PCNX2: variants seen among roughly 807,000 people sequenced by gnomAD.
PCNX2 encodes pecanex 2.
PCNX2 carries 168 observed loss-of-function variants against 223.8 expected under a neutral mutation model. The ratio of observed to expected loss-of-function variants is 0.75; its 90% CI spans 0.66 to 0.85. PCNX2 has a LOEUF of 0.85. Among genes scored for constraint, PCNX2 ranks in the 40% least tolerant of loss-of-function variants. The pLI is 0.00. For missense variants in PCNX2, 2,507 were observed against 2,675.5 expected (o/e 0.94, Z 1.39); for synonymous variants, 1,006 against 1,052.6 (o/e 0.96, Z 0.86).
intron 15 of PCNX2, among the ~76,000 whole-genome samples, chr1:233,194,221 T>C (rs1360106057): frequency 6.6e-6 from 1 of 152,080 alleles, no homozygotes; most frequent in Non-Finnish European, 1.5e-5. Flanking sequence ...TCAGAAATTA[T>C]ACAAGACAAA....
At chr1:233,308,190 C>T in the PCNX2 span, among the ~76,000 whole-genome samples, 2 of 152,230 alleles carry the variant, frequency 1.3e-5, no homozygotes, top group Non-Finnish European at 2.9e-5. Context: ...GGCGTAGTGG[C>T]TCACGCCTGT....
intron 10 of PCNX2, among the ~76,000 whole-genome samples, chr1:233,223,169 G>A (rs957447079): frequency 6.6e-4 from 101 of 152,224 alleles, no homozygotes; most frequent in African/African-American, 2.4e-3. Context: ...GCTGAGTCCT[G>A]GAAACCAAGA....
intron 17 of PCNX2, among the ~76,000 whole-genome samples, chr1:233,175,083 G>A (rs12032661): frequency 0.078 from 11,891 of 152,010 alleles, 673 homozygotes; most frequent in East Asian, 0.31. Context: ...TTCTCATACA[G>A]ACTAAAACTC....
chr1:233,245,246 A>G (rs1659038020), intron 8 of PCNX2, among the ~76,000 whole-genome samples: 1 of 152,286 alleles, frequency 6.6e-6, no homozygotes, highest in Non-Finnish European at 1.5e-5. Context: ...CTAGAAAAAG[A>G]GATGAGAACC....
At chr1:233,120,180 A>G (rs999241127) in intron 21 of PCNX2, among the ~76,000 whole-genome samples, 7 of 144,464 alleles carry the variant, frequency 4.8e-5, no homozygotes, top group African/African-American at 1.0e-4. Context: ...AAAAAAAAAA[A>G]AAAAGAAATA....
intron 10 of PCNX2, among the ~76,000 whole-genome samples, chr1:233,226,980 CTTA>C (rs574527804): frequency 2.3e-4 from 35 of 152,250 alleles, no homozygotes; most frequent in African/African-American, 6.7e-4. Flanking sequence ...CTCATTATCT[CTTA>C]TTATTAATAT....
Position 233,057,363 on chromosome 1 carries a change from A to G in PCNX2, c.4077-73T>C, listed in dbSNP as rs766409568. 4.2e-6 allele frequency: 5 copies of G among 1,189,938 alleles called. No individual in the cohort carries two copies. In the East Asian group the frequency reaches 9.8e-5, roughly 23 times the overall value. 73.7% of individuals were successfully genotyped at this position (1,189,938 alleles called of 1,614,324 possible). ...AGCAGAAGAGTTGGTTTATAGAACC[A>G]GCTGCATGAGTGGAAAATGCAAAGG... On this transcript the variant is annotated intron_variant, in intron 23 of 33. Transcript: ENST00000258229.
chr1:233,142,708 A>T (rs1373332653), intron 19 of PCNX2, among the ~76,000 whole-genome samples: 1 of 152,106 alleles, frequency 6.6e-6, no homozygotes, highest in Non-Finnish European at 1.5e-5. Context: ...CCTTGCCCTG[A>T]CATGCATGTG....
chr1:233,170,590 A>G (rs1679093804), intron 17 of PCNX2, among the ~76,000 whole-genome samples: 1 of 152,302 alleles, frequency 6.6e-6, no homozygotes. Context: ...CATAATTTTA[A>G]TTAATTTGAA....
At chr1:233,227,433 AAT>A (rs760988738) in intron 9 of PCNX2, 62 bp from the exon 10 acceptor site, 8,476 of 1,240,052 alleles carry the variant, frequency 6.8e-3, no homozygotes, top group South Asian at 8.3e-3. Context: ...CATGGCCACA[AAT>A]ATATATATAT....
chr1:233,074,594 CAAAAAAAAAAAAAAAA>C lies in PCNX2; in HGVS notation c.4076+15451_4076+15466del, dbSNP rs531631109. Reference sequence around the variant, plus strand: ...TGGGCGACAGAGCGAGACTCCGTCTCAAAAAAAAAAAAAAAAAAAAAAAAAAAAAGAGGACGAAAAG... The same window carrying C: ...TGGGCGACAGAGCGAGACTCCGTCTCAAAAAAAAAAAAAGAGGACGAAAAG... On this transcript the variant is annotated intron_variant, in intron 23 of 33. Coordinates refer to ENST00000258229, the MANE Select transcript of PCNX2 (RefSeq NM_014801.4). Among the ~76,000 whole-genome samples, 37 of 47,710 alleles carry C rather than the reference CAAAAAAAAAAAAAAAA, an allele frequency of 7.8e-4. No homozygotes were observed. The East Asian group carries it at 0.036, about 46-fold the overall frequency. 31.3% of individuals were successfully genotyped at this position (47,710 alleles called of 152,430 possible).
intron 9 of PCNX2, among the ~76,000 whole-genome samples, chr1:233,229,434 T>G (rs1244300697): frequency 2.0e-5 from 3 of 152,174 alleles, no homozygotes; most frequent in Non-Finnish European, 4.4e-5. Context: ...ACAGCTTCTT[T>G]GCATGATGAT....
chr1:233,104,776 CT>C (rs1420696985), intron 21 of PCNX2, among the ~76,000 whole-genome samples: 1 of 151,686 alleles, frequency 6.6e-6, no homozygotes, highest in Non-Finnish European at 1.5e-5. Flanking sequence ...CAAAAGTAGT[CT>C]GATCCATGCC....
intron 32 of PCNX2, among the ~76,000 whole-genome samples, chr1:232,997,953 G>C (rs1003154061): frequency 6.6e-6 from 1 of 152,110 alleles, no homozygotes; most frequent in Non-Finnish European, 1.5e-5. Context: ...ACCATCAAAC[G>C]GTCATAGAGT....
intron 8 of PCNX2, among the ~76,000 whole-genome samples, chr1:233,238,841 G>A (rs1327779648): frequency 1.3e-5 from 2 of 152,178 alleles, no homozygotes; most frequent in South Asian, 2.1e-4. Flanking sequence ...GAGTAAGTAC[G>A]TAGAGTTTGA....
chr1:232,984,135 T>TAAA lies in PCNX2; in HGVS notation c.*168_*169insTTT, dbSNP rs1553268872. 1.7e-5 allele frequency: 2 copies of TAAA among 120,368 alleles called. No homozygotes were observed. Among genetic ancestry groups the TAAA allele is most frequent in the Non-Finnish European group, 3.4e-5 (2 of 58,058 alleles). 7.5% of individuals were successfully genotyped at this position (120,368 alleles called of 1,614,324 possible). ...TTTTTTTTTTTTTTTTTTTTTTTTT[T>TAAA]CAAAAACCTGAGATCAGTTCTGTGT... On this transcript the variant is annotated 3_prime_UTR_variant, in exon 34 of 34. Transcript: ENST00000258229.
intron 23 of PCNX2, among the ~76,000 whole-genome samples, chr1:233,067,365 CAAAAAAAAAAA>C (rs750823791): frequency 3.6e-3 from 14 of 3,888 alleles, no homozygotes; most frequent in East Asian, 0.018. Flanking sequence ...AGAGCTTCAG[CAAAAAAAAAAA>C]AAAAAAAAAA....
At chr1:233,051,602 AC>A (rs1308232683) in intron 25 of PCNX2, among the ~76,000 whole-genome samples, 1 of 152,206 alleles carries the variant, frequency 6.6e-6, no homozygotes, top group Non-Finnish European at 1.5e-5. Flanking sequence ...GGAATAGAAA[AC>A]CAAATACCAG....
At chr1:233,074,936 G>C (rs894120391) in intron 23 of PCNX2, among the ~76,000 whole-genome samples, 7 of 152,128 alleles carry the variant, frequency 4.6e-5, no homozygotes, top group Non-Finnish European at 8.8e-5. Context: ...TACTGCCAAA[G>C]ATATGAAGAA....
Sources: gnomAD v4.1 joint callset for allele counts (sites outside exome capture counted in the v4.1 genomes callset) on GRCh38, gnomAD v4.1.1 for gene constraint, MANE v1.5 for transcripts, NCBI Gene and HGNC (gene_info 2026-07-23, HGNC 2026-07-21) for gene names.